The following DMXL2 variants were observed in gnomAD, a reference collection of about 807,000 sequenced individuals.
DMXL2 encodes dmX-like protein 2.
In DMXL2, 103 loss-of-function variants were observed where a neutral mutation model predicts 331.1. The observed-to-expected ratio is 0.31, with a 90% CI of 0.27 to 0.37. The LOEUF (loss-of-function observed/expected upper bound fraction) is 0.37. Ranked by LOEUF, DMXL2 falls within the 10% of genes least tolerant of loss-of-function variation. DMXL2 has a pLI of 1.00. For synonymous variants in DMXL2, 1,281 were observed against 1,252.1 expected (o/e 1.02, Z -0.49); for missense variants, 3,171 against 3,642.9 (o/e 0.87, Z 3.33).
intron 29 of DMXL2, among the ~76,000 whole-genome samples, chr15:51,468,688 T>C (rs906112863): frequency 3.3e-5 from 5 of 152,302 alleles, no homozygotes; most frequent in East Asian, 1.9e-4. Flanking sequence ...GATTATATTA[T>C]CATAATTTAA....
rs1331583394 is a variant in DMXL2, at chr15:51,537,669, C to T, written c.1436G>A (p.Arg479Gln). Reference sequence around the variant, plus strand: ...AGGCAGTGGCATTGGTACACTAAGTCGTGAGTAAGTTCTAGGACTTCCTTC... The same window carrying T: ...AGGCAGTGGCATTGGTACACTAAGTTGTGAGTAAGTTCTAGGACTTCCTTC... ...EREGSPRTYS[R>Q]LSVPMPLPTV... The change falls in exon 11 of 44, where the codon CGA (arginine) becomes CAA (glutamine). Residue 479 changes from arginine to glutamine, a missense_variant. Arg to Gln is a conservative substitution (Grantham distance 43, BLOSUM62 1). Coordinates refer to ENST00000560891, the MANE Select transcript of DMXL2 (RefSeq NM_001378457.1). 67 of 1,613,744 alleles carry T rather than the reference C, an allele frequency of 4.2e-5. No individual in the cohort carries two copies. Among genetic ancestry groups the T allele is most frequent in the Non-Finnish European group, 5.2e-5 (61 of 1,179,882 alleles).
At chr15:51,529,088 T>C (rs1319731378) in intron 13 of DMXL2, among the ~76,000 whole-genome samples, 3 of 151,940 alleles carry the variant, frequency 2.0e-5, no homozygotes, top group African/African-American at 7.3e-5. Flanking sequence ...CATACCAAAA[T>C]CTATGGGATA....
intron 40 of DMXL2, 68 bp from the exon 41 acceptor site, chr15:51,453,709 C>T (rs2039362354): frequency 2.3e-6 from 3 of 1,284,916 alleles, no homozygotes; most frequent in African/African-American, 2.9e-5. Flanking sequence ...TACCAACATA[C>T]ATGTCTGCTA....
In DMXL2 at chr15:51,514,461, T is replaced by G. The variant is rs762705906; in HGVS notation, c.2625A>C (p.Ile875=). The change falls in exon 15 of 44, where the codon ATA becomes ATC. Residue 875 remains isoleucine, a synonymous_variant. Coordinates refer to ENST00000560891, the MANE Select transcript of DMXL2 (RefSeq NM_001378457.1). The part of the protein sequence containing the change: ...KEDMEKKETE[I]FFQPSQGYRP... ...AAGTACCTTGTGATGGCTGAAAAAA[T>G]ATTTCTGTTTCCTTTTTCTCCATAT... 60 of 1,565,014 alleles carry G rather than the reference T, an allele frequency of 3.8e-5. No homozygotes were observed. The South Asian group carries it at 6.9e-4, about 18-fold the overall frequency.
At chr15:51,579,582 C>G (rs1036304808) in intron 1 of DMXL2, among the ~76,000 whole-genome samples, 4 of 152,134 alleles carry the variant, frequency 2.6e-5, no homozygotes, top group African/African-American at 9.7e-5. Context: ...CAATAAATAG[C>G]TGTATAGTAA....
At chr15:51,468,908 A>C (rs1310630028) in intron 29 of DMXL2, among the ~76,000 whole-genome samples, 2 of 152,132 alleles carry the variant, frequency 1.3e-5, no homozygotes, top group East Asian at 1.9e-4. Flanking sequence ...AAAATTCTAA[A>C]GGTCAAAATT....
At chr15:51,524,838 T>C (rs1365130330) in intron 13 of DMXL2, among the ~76,000 whole-genome samples, 1 of 151,862 alleles carries the variant, frequency 6.6e-6, no homozygotes, top group East Asian at 2.0e-4. Context: ...CTGCAACTCC[T>C]AGATGAGTCC....
chr15:51,463,234 T>TTAA, intron 33 of DMXL2, 145 bp downstream of exon 33: 1 of 537,648 alleles, frequency 1.9e-6, no homozygotes, highest in Non-Finnish European at 3.3e-6. Context: ...GGTTTTATCT[T>TTAA]AAAAGTAGTT....
chr15:51,505,241 T>A (rs2043976412), intron 16 of DMXL2, among the ~76,000 whole-genome samples: 1 of 152,226 alleles, frequency 6.6e-6, no homozygotes, highest in South Asian at 2.1e-4. Context: ...AACAAAAAGA[T>A]AGATGCTTTC....
intron 1 of DMXL2, among the ~76,000 whole-genome samples, chr15:51,586,584 T>TAA (rs34482763): frequency 2.2e-3 from 328 of 151,040 alleles, no homozygotes; most frequent in African/African-American, 7.5e-3. Flanking sequence ...TTAATGTTAC[T>TAA]AAAAAAAAAC....
intron 33 of DMXL2, chr15:51,460,148 C>A (rs938961469): frequency 3.1e-6 from 3 of 980,264 alleles, no homozygotes; most frequent in Admixed American, 6.1e-5. Context: ...TTAATAAAAT[C>A]AGGCACGGAA....
chr15:51,484,121 C>G (rs147714017), intron 23 of DMXL2, among the ~76,000 whole-genome samples: 214 of 152,312 alleles, frequency 1.4e-3, no homozygotes, highest in East Asian at 4.6e-3. Flanking sequence ...GCCATGCAAT[C>G]GTGTCATGGG....
chr15:51,540,338 A>AT (rs2048519350), intron 9 of DMXL2, among the ~76,000 whole-genome samples: 2 of 152,340 alleles, frequency 1.3e-5, no homozygotes, highest in African/African-American at 4.8e-5. Context: ...CTCACATGCA[A>AT]TAACAGTATT....
chr15:51,523,288 A>G (rs2047479662), intron 13 of DMXL2, among the ~76,000 whole-genome samples: 2 of 152,350 alleles, frequency 1.3e-5, no homozygotes, highest in South Asian at 4.1e-4. Context: ...TGAAAATAAG[A>G]GCAAGACTCT....
At chr15:51,606,953 T>A (rs1242464736) in intron 1 of DMXL2, among the ~76,000 whole-genome samples, 5 of 151,400 alleles carry the variant, frequency 3.3e-5, no homozygotes, top group Admixed American at 3.3e-4. Flanking sequence ...GAGGTCAGAG[T>A]TCGAGACCAG....
In DMXL2 at chr15:51,488,558, C is replaced by A; in HGVS notation, c.5041G>T (p.Gly1681Cys). ...GTCAAGGCAACTTACCTAAACAGACCCCACACTACTGCTTTCTTCTTCATT... is the reference window on the plus strand; with the variant it reads ...GTCAAGGCAACTTACCTAAACAGACACCACACTACTGCTTTCTTCTTCATT... ...LSMKKKAVVWGLFRSQHDEKM... is the reference protein window; with the variant it reads ...LSMKKKAVVWCLFRSQHDEKM... The change falls in exon 21 of 44, where the codon GGT (glycine) becomes TGT (cysteine). Residue 1681 changes from glycine to cysteine, a missense_variant. By Grantham distance (159) the Gly-to-Cys change is radical (BLOSUM62 -3). Around this residue, in one of 7 missense-constraint regions of DMXL2, gnomAD observed 252 missense variants for 387.4 expected, o/e 0.65. Transcript: ENST00000560891. The A allele has an allele frequency of 6.2e-7, 1 of 1,613,086 alleles. No homozygotes were observed. The highest frequency in any genetic ancestry group is 8.5e-7 in the Non-Finnish European group (1 of 1,179,692).
intron 6 of DMXL2, among the ~76,000 whole-genome samples, chr15:51,562,112 G>T (rs533370779): frequency 6.4e-4 from 97 of 152,238 alleles, no homozygotes; most frequent in Middle Eastern, 3.4e-3. Flanking sequence ...TTAACTAGAA[G>T]ATTTGAAATG....
rs1321054573 is a variant in DMXL2, at chr15:51,538,400, C to T, written c.1158G>A (p.Gly386=). 1 of 1,612,196 alleles carries T rather than the reference C, an allele frequency of 6.2e-7. No homozygotes were observed. Residue 386 remains glycine (G), a synonymous_variant, in exon 10 of 44, where the codon GGG becomes GGA. Transcript: ENST00000560891. ...GTAFNVDDGN[G]GFVVHWLNNK... ...TGTTTAACCAATGAACTACAAAGCCCCCATTTCCATCATCAACATTAAATG... is the reference window on the plus strand; with the variant it reads ...TGTTTAACCAATGAACTACAAAGCCTCCATTTCCATCATCAACATTAAATG...
At chr15:51,465,762 C>G in intron 30 of DMXL2, 111 bp from the exon 31 acceptor site, 1 of 786,932 alleles carries the variant, frequency 1.3e-6, no homozygotes, top group Non-Finnish European at 2.0e-6. Context: ...AGAAAAAAAG[C>G]TGTCATTGAA....
Sources: allele counts gnomAD v4.1 joint callset (sites outside exome capture counted in the v4.1 genomes callset), GRCh38; gene constraint gnomAD v4.1.1; regional missense constraint gnomAD v4.1.1; transcripts MANE v1.5; gene names NCBI Gene and HGNC (gene_info 2026-07-23, HGNC 2026-07-21).